SDK2: variants seen among roughly 807,000 people sequenced by gnomAD.
SDK2 encodes the protein sidekick cell adhesion molecule 2.
A neutral mutation model predicts 253.9 loss-of-function variants in SDK2; 105 were observed. The observed-to-expected ratio is 0.41, with a 90% CI of 0.35 to 0.49. SDK2 has a LOEUF of 0.49. Ranked by LOEUF, SDK2 falls within the 20% of genes least tolerant of loss-of-function variation. The pLI is 0.06. For missense variants in SDK2, 2,608 were observed against 3,003.0 expected (o/e 0.87, Z 3.07); for synonymous variants, 1,249 against 1,234.9 (o/e 1.01, Z -0.24).
chr17:73,390,305 C>CCGTCTCATT lies in SDK2; in HGVS notation c.4173_4174insAATGAGACG (p.Val1391_Val1392insAsnGluThr). ...CAGTCACCTCTCTTCTCGGTGGTCA[C>CCGTCTCATT]CACCAAGGCCTCGGCAGCTTCTCCC... On this transcript the variant is annotated inframe_insertion, in exon 29 of 45. Coordinates refer to ENST00000392650, the MANE Select transcript of SDK2 (RefSeq NM_001144952.2). The CCGTCTCATT allele has an allele frequency of 6.3e-7, 1 of 1,594,598 alleles. No homozygotes were observed. The highest frequency in any genetic ancestry group is 8.5e-7 in the Non-Finnish European group (1 of 1,173,490).
chr17:73,500,912 C>T (rs1193614497), intron 2 of SDK2, among the ~76,000 whole-genome samples: 1 of 152,210 alleles, frequency 6.6e-6, no homozygotes, highest in Non-Finnish European at 1.5e-5. Context: ...ATCCATCCTC[C>T]CTCTGTCCTC....
At position 73,443,652 on chromosome 17, in the gene SDK2, C is replaced by T. The variant is rs2063431849; in HGVS notation, c.614-2729G>A. On this transcript the variant is annotated intron_variant, in intron 5 of 44. Coordinates refer to ENST00000392650, the MANE Select transcript of SDK2 (RefSeq NM_001144952.2). This position sits in a 1 kb window ranked among gnomAD's most constrained non-coding sequence, Gnocchi z 4.6. ...CCATGTGCTCAGGCCCAGGTGGCAG[C>T]CTGCAGGGCTCGATGGGGGCTGAGG... 6.6e-6 allele frequency among the ~76,000 whole-genome samples: 1 copy of T among 152,172 alleles called. No individual in the cohort carries two copies. Among genetic ancestry groups the T allele is most frequent in the Admixed American group, 6.5e-5 (1 of 15,282 alleles).
chr17:73,361,501 T>C lies in SDK2; in HGVS notation c.5467+183A>G, dbSNP rs2062639654. Among the ~76,000 whole-genome samples the C allele has an allele frequency of 6.6e-6, 1 of 151,744 alleles. No homozygotes were observed. The highest frequency in any genetic ancestry group is 2.1e-4 in the South Asian group (1 of 4,806). ...CTTGAGGAACCTGAGGACACATTAATCAAAGCGTGGAGCCCGGGAGGAGGG... is the reference window on the plus strand; with the variant it reads ...CTTGAGGAACCTGAGGACACATTAACCAAAGCGTGGAGCCCGGGAGGAGGG... On this transcript the variant is annotated intron_variant, in intron 39 of 44. Transcript: ENST00000392650. This position sits in a 1 kb window ranked among gnomAD's most constrained non-coding sequence, Gnocchi z 4.1.
chr17:73,459,696 TTC>T (rs1599586778), intron 3 of SDK2, among the ~76,000 whole-genome samples: 1 of 152,028 alleles, frequency 6.6e-6, no homozygotes, highest in East Asian at 1.9e-4. Flanking sequence ...CTGGGTAGAT[TTC>T]TTTCTTTTTT....
intron 18 of SDK2, among the ~76,000 whole-genome samples, chr17:73,407,767 A>T (rs1384266850): frequency 6.6e-6 from 1 of 152,140 alleles, no homozygotes; most frequent in Non-Finnish European, 1.5e-5. Context: ...AAAATTTGGT[A>T]AGTAAGGAAA....
Position 73,422,365 on chromosome 17 carries a change from A to C in SDK2, c.1967T>G (p.Val656Gly). The C allele has an allele frequency of 6.2e-7, 1 of 1,613,926 alleles. No individual in the cohort carries two copies. Among genetic ancestry groups the C allele is most frequent in the South Asian group, 1.1e-5 (1 of 91,070 alleles). The stretch of plus-strand genomic sequence containing the variant: ...ACGGAACTGGTAGGAGCGTGCAGGA[A>C]CCAGGCCCTTGACTGTCACTGAGGT... ...KATSVTVKGL[V>G]PARSYQFRLC... The change falls in exon 15 of 45, where the codon GTT becomes GGT. Residue 656 changes from valine to glycine, a missense_variant. By Grantham distance (109) the Val-to-Gly change is moderately radical (BLOSUM62 -3). Around this residue, in one of 2 missense-constraint regions of SDK2, gnomAD observed 1,505 missense variants for 1,859.1 expected, o/e 0.81. Transcript: ENST00000392650.
At chr17:73,457,152 C>T (rs967924150) in intron 3 of SDK2, among the ~76,000 whole-genome samples, 2 of 152,172 alleles carry the variant, frequency 1.3e-5, no homozygotes, top group African/African-American at 4.8e-5. Context: ...GCCTCACCCC[C>T]AAAGCTTCTG....
In SDK2 at chr17:73,447,489, C is replaced by A; in HGVS notation, c.613+126G>T. The stretch of plus-strand genomic sequence containing the variant: ...CTCGTCCTCCTTGGGAAGGCTCCCC[C>A]CGGCCGTCCCCTAGCTTCCCTGTCC... On this transcript the variant is annotated intron_variant, in intron 5 of 44. Transcript: ENST00000392650. The surrounding 1 kb of genome is among the most constrained non-coding windows in gnomAD (Gnocchi z 4.0). 2.2e-6 allele frequency: 3 copies of A among 1,377,932 alleles called. No homozygotes were observed. Among genetic ancestry groups the A allele is most frequent in the Non-Finnish European group, 3.0e-6 (3 of 1,007,762 alleles). 85.4% of individuals were successfully genotyped at this position (1,377,932 alleles called of 1,614,324 possible). A position where few individuals can be genotyped will look rare whatever the true frequency, so the allele number is the denominator to read the frequency against.
chr17:73,423,578 G>A, intron 13 of SDK2, 56 bp from the exon 14 acceptor site: 20 of 1,460,798 alleles, frequency 1.4e-5, no homozygotes, highest in Non-Finnish European at 1.8e-5. Flanking sequence ...CAGGTGACGG[G>A]GGCGCTGTGG....
chr17:73,429,654 T>C (rs11650519), intron 12 of SDK2, among the ~76,000 whole-genome samples: 32,635 of 152,282 alleles, frequency 0.21, 4,177 homozygotes, highest in Non-Finnish European at 0.28. Flanking sequence ...TCGGTGCCAG[T>C]TGCTTTGACA....
chr17:73,437,413 G>A (rs1341801698), intron 8 of SDK2, among the ~76,000 whole-genome samples: 2 of 152,144 alleles, frequency 1.3e-5, no homozygotes, highest in African/African-American at 4.8e-5. Context: ...CCCGGGGGCT[G>A]CTGGTTCTGG....
chr17:73,342,938 C>T (rs2062451436), intron 44 of SDK2, among the ~76,000 whole-genome samples: 1 of 152,294 alleles, frequency 6.6e-6, no homozygotes, highest in South Asian at 2.1e-4. Context: ...GAGTGAGAAG[C>T]CTCAAAGCTC....
At chr17:73,550,889 AT>A (rs1368595115) in intron 1 of SDK2, among the ~76,000 whole-genome samples, 1 of 152,116 alleles carries the variant, frequency 6.6e-6, no homozygotes, top group Non-Finnish European at 1.5e-5. Flanking sequence ...AGCTGGAGTC[AT>A]GAGCCAAACG....
chr17:73,339,660 C>A (rs1008313910), intron 44 of SDK2, among the ~76,000 whole-genome samples: 1 of 151,322 alleles, frequency 6.6e-6, no homozygotes, highest in Non-Finnish European at 1.5e-5. Flanking sequence ...CTCAAGCTAT[C>A]CTCCCATGTC....
chr17:73,455,269 G>A lies in SDK2; in HGVS notation c.479+637C>T, dbSNP rs369474234. Reference sequence around the variant, plus strand: ...GAGGGCGGGGAGACGGGTGTATCTCGGGAGGAACTGCTTTGTTGCTCGCCT... The same window carrying A: ...GAGGGCGGGGAGACGGGTGTATCTCAGGAGGAACTGCTTTGTTGCTCGCCT... On this transcript the variant is annotated intron_variant, in intron 4 of 44. Transcript: ENST00000392650. This position sits in a 1 kb window ranked among gnomAD's most constrained non-coding sequence, Gnocchi z 5.0. Among the ~76,000 whole-genome samples the A allele has an allele frequency of 3.6e-4, 55 of 152,254 alleles. No individual in the cohort carries two copies. In the South Asian group the frequency reaches 9.9e-3, roughly 28 times the overall value.
chr17:73,588,197 AC>A (rs57740393), intron 1 of SDK2, among the ~76,000 whole-genome samples: 5,617 of 130,676 alleles, frequency 0.043, 275 homozygotes, highest in African/African-American at 0.11. Context: ...ACATGGAGAG[AC>A]CCCCCCCCCT....
intron 1 of SDK2, among the ~76,000 whole-genome samples, chr17:73,544,581 T>A (rs2044925971): frequency 6.6e-6 from 1 of 152,174 alleles, no homozygotes; most frequent in Non-Finnish European, 1.5e-5. Context: ...TGCATGTGTG[T>A]ATGGATGGAC....
chr17:73,470,703 A>C (rs1488200249), intron 3 of SDK2, among the ~76,000 whole-genome samples: 1 of 152,084 alleles, frequency 6.6e-6, no homozygotes, highest in African/African-American at 2.4e-5. Flanking sequence ...CTCACTTGAG[A>C]TTTTCTTTTA....
chr17:73,574,059 C>A (rs1197218841), intron 1 of SDK2, among the ~76,000 whole-genome samples: 1 of 152,212 alleles, frequency 6.6e-6, no homozygotes, highest in Non-Finnish European at 1.5e-5. Flanking sequence ...CCGCTCACAT[C>A]TATGCGCTTC....
Sources: gnomAD v4.1 joint callset for allele counts (sites outside exome capture counted in the v4.1 genomes callset) on GRCh38, gnomAD v4.1.1 for gene constraint, gnomAD v4.1.1 regional missense constraint, Gnocchi (gnomAD v3.1) non-coding constraint, MANE v1.5 for transcripts, NCBI Gene and HGNC (gene_info 2026-07-23, HGNC 2026-07-21) for gene names.